BIK: variants seen among roughly 807,000 people sequenced by gnomAD.
BIK encodes the protein bcl-2-interacting killer.
Under a neutral mutation model 12.1 loss-of-function variants are expected in BIK, and 14 were observed. The ratio of observed to expected loss-of-function variants is 1.16; its 90% CI spans 0.77 to 1.81. The LOEUF is 1.81. Among genes scored for constraint, BIK ranks in the 40% most tolerant of loss-of-function variants. The pLI is 0.00. For synonymous variants in BIK, 86 were observed against 92.3 expected (o/e 0.93, Z 0.39); for missense variants, 215 against 207.9 (o/e 1.03, Z -0.21).
chr22:43,112,419 G>C (rs1003667737), intron 1 of BIK, among the ~76,000 whole-genome samples: 1 of 151,686 alleles, frequency 6.6e-6, no homozygotes, highest in South Asian at 2.1e-4. Flanking sequence ...AGCTAGTCTC[G>C]AACTCCTGAC....
intron 4 of BIK, 66 bp from the exon 5 acceptor site, chr22:43,129,147 T>G: frequency 6.3e-7 from 1 of 1,598,806 alleles, no homozygotes; most frequent in East Asian, 2.2e-5. Flanking sequence ...GGCACTCCGC[T>G]GTCACCCGTC....
At chr22:43,119,181 C>T (rs992855153) in intron 1 of BIK, among the ~76,000 whole-genome samples, 14 of 151,764 alleles carry the variant, frequency 9.2e-5, no homozygotes, top group African/African-American at 3.4e-4. Context: ...CTGGTGTTTC[C>T]ACTGGTGAGT....
chr22:43,113,309 G>A (rs1930046130), intron 1 of BIK, among the ~76,000 whole-genome samples: 2 of 152,172 alleles, frequency 1.3e-5, no homozygotes, highest in South Asian at 4.1e-4. Context: ...GTTATTGTAA[G>A]TTTGTTTGTT....
chr22:43,129,260 GC>G lies in BIK; in HGVS notation c.439del (p.Leu147CysfsTer53). 6.3e-7 allele frequency: 1 copy of G among 1,596,358 alleles called. No individual in the cohort carries two copies. Among genetic ancestry groups the G allele is most frequent in the African/African-American group, 1.3e-5 (1 of 74,412 alleles). On this transcript the variant is annotated frameshift_variant, in exon 5 of 5. Coordinates refer to ENST00000216115, the MANE Select transcript of BIK (RefSeq NM_001197.5). LOFTEE classifies it high-confidence loss of function. The part of the protein sequence containing the change: ...LLALLLLLAL[L>X]LPLLSGGLHL... ...TGGCGCTGCTGCTGCTGCTGGCGCTGCTGCTGCCGCTGCTCAGCGGGGGCCT... is the reference window on the plus strand; with the variant it reads ...TGGCGCTGCTGCTGCTGCTGGCGCTGTGCTGCCGCTGCTCAGCGGGGGCCT...
At chr22:43,111,241 A>G (rs1930004461) in intron 1 of BIK, among the ~76,000 whole-genome samples, 1 of 152,150 alleles carries the variant, frequency 6.6e-6, no homozygotes, top group Non-Finnish European at 1.5e-5. Flanking sequence ...CGGTGCCCTT[A>G]AAAGAGGGAA....
intron 4 of BIK, 131 bp downstream of exon 4, chr22:43,128,756 G>A: frequency 7.6e-7 from 1 of 1,324,204 alleles, no homozygotes; most frequent in Non-Finnish European, 1.0e-6. Context: ...ACATCTGCCT[G>A]ATCCCATGGG....
At chr22:43,125,676 T>G (rs972202442) in intron 2 of BIK, among the ~76,000 whole-genome samples, 3 of 151,846 alleles carry the variant, frequency 2.0e-5, no homozygotes, top group African/African-American at 7.3e-5. Flanking sequence ...GCCCTGAGAT[T>G]GCACCACTGC....
At chr22:43,129,145 G>C in intron 4 of BIK, 68 bp from the exon 5 acceptor site, 1 of 1,598,446 alleles carries the variant, frequency 6.3e-7, no homozygotes, top group African/African-American at 1.3e-5. Flanking sequence ...TTGGCACTCC[G>C]CTGTCACCCG....
chr22:43,127,634 G>A, intron 2 of BIK, 63 bp from the exon 3 acceptor site: 1 of 1,423,526 alleles, frequency 7.0e-7, no homozygotes, highest in Non-Finnish European at 9.6e-7. Context: ...TGGCTGGGTG[G>A]GTCCAGGTGC....
At chr22:43,117,817 G>A (rs919048297) in intron 1 of BIK, among the ~76,000 whole-genome samples, 1 of 151,436 alleles carries the variant, frequency 6.6e-6, no homozygotes, top group African/African-American at 2.4e-5. Flanking sequence ...TTACAGGCGC[G>A]CACCACCACA....
chr22:43,113,574 TCA>T (rs1419192405), intron 1 of BIK, among the ~76,000 whole-genome samples: 1 of 152,024 alleles, frequency 6.6e-6, no homozygotes, highest in Non-Finnish European at 1.5e-5. Context: ...ACGTCTTGTG[TCA>T]CAGAGCTGCA....
intron 3 of BIK, among the ~76,000 whole-genome samples, chr22:43,128,036 C>T (rs1007821277): frequency 6.6e-6 from 1 of 152,168 alleles, no homozygotes; most frequent in Non-Finnish European, 1.5e-5. Flanking sequence ...GAGCCCAGGG[C>T]CCTTTTCTCT....
At chr22:43,116,971 G>A (rs1930126898) in intron 1 of BIK, among the ~76,000 whole-genome samples, 1 of 152,186 alleles carries the variant, frequency 6.6e-6, no homozygotes, top group Non-Finnish European at 1.5e-5. Context: ...GCCTCTCACA[G>A]GGGAATCTTG....
chr22:43,128,464 T>C, intron 3 of BIK, 32 bp from the exon 4 acceptor site: 2 of 1,589,316 alleles, frequency 1.3e-6, no homozygotes, highest in Non-Finnish European at 1.7e-6. Context: ...CCTGCAGTAA[T>C]GGCTTTGTCC....
chr22:43,125,435 G>T (rs1601732775), intron 2 of BIK, among the ~76,000 whole-genome samples: 2 of 152,060 alleles, frequency 1.3e-5, no homozygotes, highest in African/African-American at 2.4e-5. Flanking sequence ...GCCGGGCGCC[G>T]TGGCTCATGC....
chr22:43,128,499 G>A lies in BIK; in HGVS notation c.264G>A (p.Leu88=), dbSNP rs1372027908. 5 of 1,613,654 alleles carry A rather than the reference G, an allele frequency of 3.1e-6. No individual in the cohort carries two copies. The East Asian group carries it at 1.1e-4, about 36-fold the overall frequency. Residue 88 remains leucine (L), a synonymous_variant, in exon 4 of 5, where the codon CTG becomes CTA. Coordinates refer to ENST00000216115, the MANE Select transcript of BIK (RefSeq NM_001197.5). Reference sequence around the variant, plus strand: ...CCCCCATCCTCTTTGTCTATAGCCTGGGTCTGGCTTTCATCTACGACCAGA... The same window carrying A: ...CCCCCATCCTCTTTGTCTATAGCCTAGGTCTGGCTTTCATCTACGACCAGA... ...AQLSEVAMHS[L]GLAFIYDQTE...
rs1422163840 is a variant in BIK at position 43,129,306 on chromosome 22, G to C, written c.*1G>C. The C allele has an allele frequency of 6.3e-7, 1 of 1,598,224 alleles. No homozygotes were observed. Among genetic ancestry groups the C allele is most frequent in the Admixed American group, 1.7e-5 (1 of 59,844 alleles). ...GGGCCTGCACCTGCTGCTCAAGTGA[G>C]GCCCCGGCGGCTCAGGGCGGGGCTG... On this transcript the variant is annotated 3_prime_UTR_variant, in exon 5 of 5. Transcript: ENST00000216115.
chr22:43,117,570 CTG>C (rs1275154941), intron 1 of BIK, among the ~76,000 whole-genome samples: 3 of 151,080 alleles, frequency 2.0e-5, no homozygotes, highest in Non-Finnish European at 2.9e-5. Context: ...CAGGGTTTCA[CTG>C]TGTTAGCCAG....
chr22:43,129,253 TGGC>T lies in BIK; in HGVS notation c.433_435del (p.Ala145del). ...GTGCTGCTGGCGCTGCTGCTGCTGC[TGGC>T]GCTGCTGCTGCCGCTGCTCAGCGGG... On this transcript the variant is annotated inframe_deletion, in exon 5 of 5. Coordinates refer to ENST00000216115, the MANE Select transcript of BIK (RefSeq NM_001197.5). The T allele has an allele frequency of 6.3e-7, 1 of 1,598,976 alleles. No homozygotes were observed. The highest frequency in any genetic ancestry group is 8.5e-7 in the Non-Finnish European group (1 of 1,176,960).
Sources: gnomAD v4.1 joint callset for allele counts (sites outside exome capture counted in the v4.1 genomes callset) on GRCh38, gnomAD v4.1.1 for gene constraint, MANE v1.5 for transcripts, NCBI Gene and HGNC (gene_info 2026-07-23, HGNC 2026-07-21) for gene names.